The following CCDC66 variants were observed in gnomAD, a reference collection of about 807,000 sequenced individuals.
CCDC66 encodes the protein coiled-coil domain containing 66, also known as coiled-coil domain-containing protein 66.
CCDC66 carries 133 observed loss-of-function variants against 128.3 expected under a neutral mutation model. The ratio of observed to expected loss-of-function variants is 1.04; its 90% confidence interval spans 0.90 to 1.20. CCDC66 has a LOEUF of 1.20. Ranked by LOEUF, CCDC66 falls within the 50% of genes most tolerant of loss-of-function variation. The probability of loss-of-function intolerance (pLI) is 0.00; values close to 1 mark genes in which losing one functional copy is unlikely to be tolerated. For missense variants in CCDC66, 1,126 were observed against 1,075.5 expected (o/e 1.05, Z -0.66); for synonymous variants, 387 against 357.0 (o/e 1.08, Z -0.95).
intron 7 of CCDC66, among the ~76,000 whole-genome samples, chr3:56,592,351 AC>A (rs1401356885): frequency 6.6e-6 from 1 of 152,102 alleles, no homozygotes; most frequent in East Asian, 1.9e-4. Context: ...TCTAAAAGAG[AC>A]TTAGAATTTT....
chr3:56,580,353 CTCTT>C (rs200149512), intron 7 of CCDC66, among the ~76,000 whole-genome samples: 7,698 of 151,788 alleles, frequency 0.051, 420 homozygotes, highest in East Asian at 0.23. Context: ...TGGGTCTTGA[CTCTT>C]TATCCATTTT....
At chr3:56,580,337 C>A (rs1019044762) in intron 7 of CCDC66, among the ~76,000 whole-genome samples, 3 of 151,042 alleles carry the variant, frequency 2.0e-5, no homozygotes, top group Non-Finnish European at 4.4e-5. Context: ...GAATACAGCA[C>A]ACTGATGGGT....
At chr3:56,593,135 A>C (rs1157950728) in intron 8 of CCDC66, 34 bp downstream of exon 8, 19 of 1,475,852 alleles carry the variant, frequency 1.3e-5, no homozygotes, top group Non-Finnish European at 1.8e-5. Context: ...ATAAAAGAAA[A>C]AATAAAATCA....
intron 7 of CCDC66, among the ~76,000 whole-genome samples, chr3:56,572,038 CAG>C (rs1484724113): frequency 6.6e-6 from 1 of 152,134 alleles, no homozygotes; most frequent in African/African-American, 2.4e-5. Context: ...TATTTTAAAA[CAG>C]TGTTATTTTT....
intron 2 of CCDC66, among the ~76,000 whole-genome samples, chr3:56,559,312 G>A (rs748439936): frequency 1.5e-4 from 23 of 151,968 alleles, no homozygotes; most frequent in Non-Finnish European, 2.2e-4. Flanking sequence ...TAAACTCAGT[G>A]TACTTTGGTA....
intron 10 of CCDC66, among the ~76,000 whole-genome samples, chr3:56,596,764 T>C (rs2072022508): frequency 6.7e-6 from 1 of 148,478 alleles, no homozygotes; most frequent in Non-Finnish European, 1.5e-5. Flanking sequence ...TTGAATTTTT[T>C]TTTTTTTTTT....
At chr3:56,582,508 G>C (rs957698280) in intron 7 of CCDC66, among the ~76,000 whole-genome samples, 3 of 151,790 alleles carry the variant, frequency 2.0e-5, no homozygotes, top group Admixed American at 6.6e-5. Flanking sequence ...TGGAGCTGTT[G>C]CTATTTGGCC....
intron 14 of CCDC66, 179 bp downstream of exon 14, chr3:56,617,784 T>C: frequency 1.5e-6 from 1 of 661,704 alleles, no homozygotes. Flanking sequence ...TATACGAACA[T>C]AGTCAACTCA....
intron 8 of CCDC66, 119 bp from the exon 9 acceptor site, chr3:56,593,370 AAT>A: frequency 2.7e-6 from 3 of 1,115,124 alleles, no homozygotes; most frequent in Non-Finnish European, 3.8e-6. Flanking sequence ...CAGTCTTGTT[AAT>A]TTTTATGATG....
chr3:56,579,879 T>A (rs555725118), intron 7 of CCDC66, among the ~76,000 whole-genome samples: 1 of 151,918 alleles, frequency 6.6e-6, no homozygotes, highest in Admixed American at 6.6e-5. Context: ...GAAGAATGTT[T>A]ATTCTGTTGA....
At chr3:56,591,036 A>T (rs1318253143) in intron 7 of CCDC66, among the ~76,000 whole-genome samples, 1 of 152,208 alleles carries the variant, frequency 6.6e-6, no homozygotes, top group African/African-American at 2.4e-5. Flanking sequence ...AGTTCTACCT[A>T]CTACCTCTCC....
chr3:56,613,596 T>C lies in CCDC66; in HGVS notation c.1412T>C (p.Ile471Thr). 1.9e-6 allele frequency: 3 copies of C among 1,611,262 alleles called. No individual in the cohort carries two copies. Among genetic ancestry groups the C allele is most frequent in the Non-Finnish European group, 2.5e-6 (3 of 1,179,260 alleles). ...GTGATTGCTTATGACTAGAAAGCCA[T>C]CACTGCCCAGGTAGAAGAGAAGCGC... ...RQKQLEHQKA[I>T]TAQVEEKRRK... Residue 471 changes from isoleucine (I) to threonine (T), a missense_variant, in exon 11 of 18, where the codon ATC becomes ACC. By Grantham distance (89) the Ile-to-Thr change is moderately conservative (BLOSUM62 -1). Transcript: ENST00000394672.
intron 7 of CCDC66, among the ~76,000 whole-genome samples, chr3:56,584,409 C>T (rs1278914640): frequency 1.3e-5 from 2 of 149,012 alleles, no homozygotes; most frequent in Non-Finnish European, 1.5e-5. Context: ...CTCCTCACTT[C>T]TCAGACGGGG....
chr3:56,580,901 C>G (rs998922647), intron 7 of CCDC66, among the ~76,000 whole-genome samples: 7 of 151,710 alleles, frequency 4.6e-5, no homozygotes, highest in African/African-American at 1.2e-4. Flanking sequence ...GGTTGCTCTT[C>G]TTGAGGAGTA....
At chr3:56,602,913 C>T (rs2073439613) in intron 10 of CCDC66, among the ~76,000 whole-genome samples, 1 of 148,364 alleles carries the variant, frequency 6.7e-6, no homozygotes, top group South Asian at 2.1e-4. Flanking sequence ...CGGCTCACTG[C>T]AAGCTCTGCC....
In CCDC66 at chr3:56,598,145, TTTTGTTTTGTTTG is replaced by T. The variant is rs756095169; in HGVS notation, c.1404+4125_1404+4137del. Among the ~76,000 whole-genome samples the T allele has an allele frequency of 5.0e-4, 57 of 114,752 alleles. 1 individual carries two copies. Among genetic ancestry groups the T allele is most frequent in the Middle Eastern group, 3.8e-3 (1 of 262 alleles). 75.3% of individuals were successfully genotyped at this position (114,752 alleles called of 152,430 possible). ...GACGTTTTGATTTTAGTTTGTTTTG[TTTTGTTTTGTTTG>T]TTTGTTTGTTTGTTTGTTTGTTTTG... On this transcript the variant is annotated intron_variant, in intron 10 of 17. Transcript: ENST00000394672.
intron 7 of CCDC66, chr3:56,572,431 A>G (rs2066761974): frequency 3.9e-6 from 5 of 1,273,718 alleles, no homozygotes; most frequent in Non-Finnish European, 5.1e-6. Flanking sequence ...CTTTAGAGGT[A>G]AGTCCTAAGT....
chr3:56,616,196 C>A, intron 13 of CCDC66, 143 bp downstream of exon 13: 1 of 677,514 alleles, frequency 1.5e-6, no homozygotes, highest in Non-Finnish European at 2.4e-6. Context: ...GGGATAACAG[C>A]TTTGTTGAAA....
intron 8 of CCDC66, 52 bp from the exon 9 acceptor site, chr3:56,593,439 T>C: frequency 5.1e-6 from 8 of 1,581,108 alleles, no homozygotes; most frequent in Non-Finnish European, 6.0e-6. Context: ...TTTAGAATTA[T>C]ATATGAGAAT....
Sources: gnomAD v4.1 joint callset for allele counts (sites outside exome capture counted in the v4.1 genomes callset) on GRCh38, gnomAD v4.1.1 for gene constraint, MANE v1.5 for transcripts, NCBI Gene and HGNC (gene_info 2026-07-23, HGNC 2026-07-21) for gene names.